DPY19L1: variants seen among roughly 807,000 people sequenced by gnomAD.
DPY19L1 encodes the protein protein C-mannosyl-transferase DPY19L1.
A neutral mutation model predicts 96.9 loss-of-function variants in DPY19L1; 35 were observed. The ratio of observed to expected loss-of-function variants is 0.36; its 90% CI spans 0.28 to 0.48. The LOEUF is 0.48. Among genes scored for constraint, DPY19L1 ranks in the 20% least tolerant of loss-of-function variants. The pLI is 0.99. For synonymous variants in DPY19L1, 205 were observed against 252.6 expected (o/e 0.81, Z 1.79); for missense variants, 521 against 777.9 (o/e 0.67, Z 3.93).
intron 4 of DPY19L1, among the ~76,000 whole-genome samples, chr7:35,012,786 G>C (rs1488216820): frequency 6.6e-6 from 1 of 151,808 alleles, no homozygotes; most frequent in African/African-American, 2.4e-5. Flanking sequence ...TGGGGAAAAT[G>C]TTTCATTATA....
At chr7:35,014,303 A>G (rs564690432) in intron 3 of DPY19L1, among the ~76,000 whole-genome samples, 20 of 152,250 alleles carry the variant, frequency 1.3e-4, no homozygotes, top group African/African-American at 2.9e-4. Flanking sequence ...GACTGGGGAT[A>G]AGGGTGGGGA....
intron 6 of DPY19L1, among the ~76,000 whole-genome samples, chr7:34,994,802 T>G (rs1203846516): frequency 7.0e-6 from 1 of 142,404 alleles, no homozygotes; most frequent in East Asian, 2.0e-4. Flanking sequence ...AGATTCCGTC[T>G]CAAAAAAAAA....
At chr7:34,986,054 G>A (rs1768238054) in intron 7 of DPY19L1, among the ~76,000 whole-genome samples, 1 of 151,948 alleles carries the variant, frequency 6.6e-6, no homozygotes, top group African/African-American at 2.4e-5. Flanking sequence ...AATAAACCAA[G>A]CACAGGAAGG....
rs765677448 is a variant in DPY19L1, at chr7:34,938,074, G to T, written c.2010C>A (p.Ala670=). 1 of 1,613,562 alleles carries T rather than the reference G, an allele frequency of 6.2e-7. No homozygotes were observed. The highest frequency in any genetic ancestry group is 8.5e-7 in the Non-Finnish European group (1 of 1,179,884). ...IVYSMYSRKA[A]EEVKRELIKL... is the part of the protein sequence containing the mutation. The stretch of plus-strand genomic sequence containing the variant: ...TTATCAGTTCTCGCTTCACTTCTTC[G>T]GCTGCTTTCCGACTATACATTGAGT... The change falls in exon 21 of 22, where the codon GCC becomes GCA. Residue 670 remains alanine, a synonymous_variant. Coordinates refer to ENST00000638088, the MANE Select transcript of DPY19L1 (RefSeq NM_001366673.1).
chr7:34,991,719 A>C (rs935032404), intron 6 of DPY19L1, among the ~76,000 whole-genome samples: 43 of 152,212 alleles, frequency 2.8e-4, no homozygotes, highest in African/African-American at 8.7e-4. Context: ...TCACCTAAGA[A>C]CATTTTAGTA....
At chr7:34,967,943 T>C (rs1335867059) in intron 9 of DPY19L1, among the ~76,000 whole-genome samples, 3 of 152,142 alleles carry the variant, frequency 2.0e-5, no homozygotes, top group Non-Finnish European at 4.4e-5. Context: ...TGTGTTATTA[T>C]TCAACATAAG....
intron 7 of DPY19L1, 70 bp from the exon 8 acceptor site, chr7:34,973,675 T>C (rs1365732913): frequency 2.6e-6 from 2 of 783,062 alleles, no homozygotes; most frequent in East Asian, 3.4e-5. Context: ...AAAATTGCTA[T>C]TTATAAATAA....
chr7:34,940,054 A>C, intron 19 of DPY19L1, 99 bp downstream of exon 19: 1 of 1,045,494 alleles, frequency 9.6e-7, no homozygotes, highest in Non-Finnish European at 1.3e-6. Context: ...GAGTGAGATC[A>C]GTGGAAGTAA....
intron 1 of DPY19L1, among the ~76,000 whole-genome samples, chr7:35,036,215 A>C (rs969410853): frequency 6.6e-6 from 1 of 152,204 alleles, no homozygotes; most frequent in African/African-American, 2.4e-5. Flanking sequence ...ACTAAGGGAT[A>C]AATCAACAGT....
intron 6 of DPY19L1, among the ~76,000 whole-genome samples, chr7:34,999,922 C>T (rs1785382313): frequency 6.6e-6 from 1 of 152,118 alleles, no homozygotes; most frequent in African/African-American, 2.4e-5. Flanking sequence ...ATCAGAATTG[C>T]TGAGTTTCCA....
chr7:34,970,167 T>C (rs1334888598), intron 8 of DPY19L1, among the ~76,000 whole-genome samples: 3 of 152,174 alleles, frequency 2.0e-5, no homozygotes, highest in Admixed American at 6.5e-5. Context: ...CCCCCACACA[T>C]GTCCATCTTC....
intron 16 of DPY19L1, 39 bp downstream of exon 16, chr7:34,945,624 AAATG>A: frequency 7.6e-7 from 1 of 1,314,336 alleles, no homozygotes; most frequent in South Asian, 1.3e-5. Flanking sequence ...TCTATTTAAT[AAATG>A]AACAGAGGAG....
intron 1 of DPY19L1, among the ~76,000 whole-genome samples, chr7:35,036,074 T>C (rs1361638279): frequency 6.6e-6 from 1 of 152,216 alleles, no homozygotes; most frequent in Non-Finnish European, 1.5e-5. Flanking sequence ...TGGCTTTTTA[T>C]GACTGAGTGG....
chr7:34,950,392 C>T lies in DPY19L1; in HGVS notation c.1321-494G>A, dbSNP rs544220002. On this transcript the variant is annotated intron_variant, in intron 13 of 21. Transcript: ENST00000638088. The stretch of plus-strand genomic sequence containing the variant: ...GGTACTTCTTGACTGATAATCACCT[C>T]TCATATAATTATTCACATGTTATCA... Among the ~76,000 whole-genome samples the T allele has an allele frequency of 9.2e-5, 14 of 152,294 alleles. No homozygotes were observed. In the South Asian group the frequency reaches 2.9e-3, roughly 32 times the overall value.
chr7:34,953,255 A>C (rs1784305773), intron 13 of DPY19L1, among the ~76,000 whole-genome samples: 1 of 152,216 alleles, frequency 6.6e-6, no homozygotes, highest in Non-Finnish European at 1.5e-5. Context: ...AAAAATACTA[A>C]AGTTACAACT....
intron 7 of DPY19L1, among the ~76,000 whole-genome samples, chr7:34,974,300 T>C (rs1584230403): frequency 6.6e-6 from 1 of 152,154 alleles, no homozygotes; most frequent in Admixed American, 6.5e-5. Context: ...GAAAACCGCA[T>C]ACAATTAAAT....
rs1247623641 is a variant in DPY19L1 at position 34,949,808 on chromosome 7, TA to T, written c.1410del (p.Phe470LeufsTer8). 1 of 1,595,278 alleles carries T rather than the reference TA, an allele frequency of 6.3e-7. No individual in the cohort carries two copies. Among genetic ancestry groups the T allele is most frequent in the Non-Finnish European group, 8.6e-7 (1 of 1,169,284 alleles). ...AAATCACATCTTACCTCTTTTTCCA[TA>T]AAGTCAAACTCCGCTGCACAGGTAT... is the stretch of plus-strand genomic sequence containing the variant. ...LLYTCAAEFD[F>X]MEKETPLRYT... On this transcript the variant is annotated frameshift_variant, in exon 14 of 22. Transcript: ENST00000638088. LOFTEE classifies it high-confidence loss of function.
chr7:34,954,025 C>T (rs1400724586), intron 13 of DPY19L1, among the ~76,000 whole-genome samples: 1 of 152,108 alleles, frequency 6.6e-6, no homozygotes, highest in Non-Finnish European at 1.5e-5. Flanking sequence ...TAAAAATACA[C>T]TATAGGAAAA....
At chr7:34,973,920 T>C (rs1784781165) in intron 7 of DPY19L1, among the ~76,000 whole-genome samples, 1 of 152,198 alleles carries the variant, frequency 6.6e-6, no homozygotes, top group Non-Finnish European at 1.5e-5. Flanking sequence ...TGCCAAATTT[T>C]AGAATATTTT....
Sources: allele counts gnomAD v4.1 joint callset (sites outside exome capture counted in the v4.1 genomes callset), GRCh38; gene constraint gnomAD v4.1.1; transcripts MANE v1.5; gene names NCBI Gene and HGNC (gene_info 2026-07-23, HGNC 2026-07-21).